Variants in RANBP2 observed in about 807,000 individuals in gnomAD.
RANBP2 encodes the protein RAN binding protein 2.
In RANBP2, 57 loss-of-function variants were observed where a neutral mutation model predicts 303.6. The ratio of observed to expected loss-of-function variants is 0.19; its 90% CI spans 0.15 to 0.23. The LOEUF (loss-of-function observed/expected upper bound fraction) is 0.23, where lower values mean the gene tolerates loss of function less well. Ranked by LOEUF, RANBP2 falls within the 10% of genes least tolerant of loss-of-function variation. RANBP2 has a pLI of 1.00. For synonymous variants in RANBP2, 1,167 were observed against 1,301.5 expected (o/e 0.90, Z 2.23); for missense variants, 3,138 against 3,780.8 (o/e 0.83, Z 4.46).
rs1694956567 is a variant in RANBP2, at chr2:108,728,998, G to A, written c.73-134G>A. On this transcript the variant is annotated intron_variant, in intron 1 of 28. Coordinates refer to ENST00000283195, the MANE Select transcript of RANBP2 (RefSeq NM_006267.5). ...AAAACATGGAATTATGCATTTGTCA[G>A]CCTTTAAAAAAACTTTTAAGTGAAT... The A allele has an allele frequency of 1.0e-5, 11 of 1,094,692 alleles. No individual in the cohort carries two copies. In the Middle Eastern group the frequency reaches 9.4e-4, roughly 93 times the overall value. 67.8% of individuals were successfully genotyped at this position (1,094,692 alleles called of 1,614,324 possible). A position where few individuals can be genotyped will look rare whatever the true frequency, so the allele number is the denominator to read the frequency against.
Position 108,767,972 on chromosome 2 carries a change from A to G in RANBP2, c.7433A>G (p.Glu2478Gly), listed in dbSNP as rs138627504. The G allele has an allele frequency of 2.5e-6, 4 of 1,611,950 alleles. No individual in the cohort carries two copies. ...AVAVLEETTR[E>G]RTDVIQGDDV... ...GCTGTATTAGAAGAAACCACAAGAG[A>G]GAGGACAGATGTTATTCAGGGTGAT... The change falls in exon 20 of 29, where the codon GAG (glutamate) becomes GGG (glycine). Residue 2478 changes from glutamate (E) to glycine (G), a missense_variant. By Grantham distance (98) the Glu-to-Gly change is moderately conservative. Transcript: ENST00000283195.
chr2:109,638,280 T>A, the RANBP2 span, among the ~76,000 whole-genome samples: 1 of 152,202 alleles, frequency 6.6e-6, no homozygotes, highest in East Asian at 1.9e-4. Flanking sequence ...TTCCTAGCAC[T>A]CACTAGAAGC....
the RANBP2 span, among the ~76,000 whole-genome samples, chr2:109,667,487 C>T: frequency 2.0e-5 from 3 of 152,164 alleles, no homozygotes; most frequent in Non-Finnish European, 4.4e-5. Context: ...CTGCCCTGTG[C>T]ATTTTAATGT....
chr2:109,692,484 G>T, the RANBP2 span, among the ~76,000 whole-genome samples: 1 of 152,168 alleles, frequency 6.6e-6, no homozygotes, highest in Non-Finnish European at 1.5e-5. Flanking sequence ...TCAAATGTGA[G>T]AGCAGAACTG....
chr2:109,667,474 G>C, the RANBP2 span, among the ~76,000 whole-genome samples: 2 of 152,160 alleles, frequency 1.3e-5, no homozygotes, highest in Admixed American at 6.5e-5. Flanking sequence ...GCTTGGCCGT[G>C]TTCTGCCCTG....
chr2:109,030,208 C>T, the RANBP2 span, among the ~76,000 whole-genome samples: 1 of 152,196 alleles, frequency 6.6e-6, no homozygotes, highest in South Asian at 2.1e-4. Flanking sequence ...TTTCCTCAAT[C>T]CTCCCCTGCA....
At chr2:108,769,577 C>G (rs1677351960) in intron 20 of RANBP2, among the ~76,000 whole-genome samples, 1 of 151,046 alleles carries the variant, frequency 6.6e-6, no homozygotes, top group South Asian at 2.1e-4. Flanking sequence ...TCTGCTATTT[C>G]AGGTCTGCTC....
chr2:108,909,568 G>T, the RANBP2 span, among the ~76,000 whole-genome samples: 1 of 152,316 alleles, frequency 6.6e-6, no homozygotes, highest in East Asian at 1.9e-4. Context: ...ACTGTTGCGG[G>T]GGTGTCCTTC....
At chr2:109,177,312 C>T in the RANBP2 span, among the ~76,000 whole-genome samples, 2 of 152,112 alleles carry the variant, frequency 1.3e-5, no homozygotes, top group South Asian at 4.1e-4. Context: ...TGGTGATTTT[C>T]TTTTATATCT....
the RANBP2 span, among the ~76,000 whole-genome samples, chr2:109,441,132 C>CAA: frequency 0.029 from 3,935 of 134,010 alleles, 159 homozygotes; most frequent in African/African-American, 0.081. Context: ...TATAGGAATA[C>CAA]AAAAAAAAAA....
At chr2:109,642,246 T>C in the RANBP2 span, among the ~76,000 whole-genome samples, 127,789 of 152,200 alleles carry the variant, frequency 0.84, 54,269 homozygotes, top group Middle Eastern at 0.9. Flanking sequence ...TTTTTCCTAA[T>C]TTAACTTTCA....
the RANBP2 span, among the ~76,000 whole-genome samples, chr2:109,415,544 G>A: frequency 7.2e-5 from 11 of 152,048 alleles, no homozygotes; most frequent in Admixed American, 6.5e-5. Flanking sequence ...GCCCTCTGCC[G>A]GTGCAGGCTG....
the RANBP2 span, chr2:108,896,409 G>A: frequency 6.4e-6 from 1 of 156,472 alleles, no homozygotes; most frequent in Non-Finnish European, 1.4e-5. Context: ...ATCCCAGTAG[G>A]GAGTCATCTC....
the RANBP2 span, among the ~76,000 whole-genome samples, chr2:109,609,290 T>A: frequency 1.3e-5 from 2 of 152,120 alleles, no homozygotes; most frequent in African/African-American, 4.8e-5. Context: ...TATAAAAAAA[T>A]AATGCCTGTC....
the RANBP2 span, among the ~76,000 whole-genome samples, chr2:109,249,647 CTCTTTCTT>C: frequency 3.8e-5 from 5 of 130,768 alleles, no homozygotes; most frequent in Admixed American, 7.7e-5. Context: ...CTCTGTTTCT[CTCTTTCTT>C]TCTTTCTTTC....
the RANBP2 span, among the ~76,000 whole-genome samples, chr2:109,264,800 A>G: frequency 6.6e-6 from 1 of 152,254 alleles, no homozygotes; most frequent in Non-Finnish European, 1.5e-5. Context: ...GCCATCACCT[A>G]CCGTGCATGC....
the RANBP2 span, among the ~76,000 whole-genome samples, chr2:109,220,632 A>G: frequency 1.3e-5 from 2 of 152,228 alleles, no homozygotes; most frequent in African/African-American, 4.8e-5. Flanking sequence ...CATTTTCCCA[A>G]AGATATACAA....
chr2:108,866,829 G>T, the RANBP2 span, among the ~76,000 whole-genome samples: 2 of 151,724 alleles, frequency 1.3e-5, no homozygotes, highest in Non-Finnish European at 2.9e-5. Context: ...TTTGCAGTGA[G>T]CCGAGATCAC....
the RANBP2 span, among the ~76,000 whole-genome samples, chr2:109,686,133 G>A: frequency 6.6e-6 from 1 of 151,794 alleles, no homozygotes; most frequent in Non-Finnish European, 1.5e-5. Context: ...AATCACATTG[G>A]TATCTTGGGG....
Sources: allele counts gnomAD v4.1 joint callset (sites outside exome capture counted in the v4.1 genomes callset), GRCh38; gene constraint gnomAD v4.1.1; transcripts MANE v1.5; gene names NCBI Gene and HGNC (gene_info 2026-07-23, HGNC 2026-07-21).